The following VSTM2B variants were observed in gnomAD, a reference collection of about 807,000 sequenced individuals.
VSTM2B encodes V-set and transmembrane domain-containing protein 2B.
In VSTM2B, 24 loss-of-function variants were observed where a neutral mutation model predicts 24.0. The observed-to-expected ratio is 1.00, with a 90% confidence interval of 0.72 to 1.40. The LOEUF (loss-of-function observed/expected upper bound fraction) is 1.40, where lower values mean the gene tolerates loss of function less well. Ranked by LOEUF, VSTM2B falls within the 40% of genes most tolerant of loss-of-function variation. VSTM2B has a pLI of 0.00. For missense variants in VSTM2B, 399 were observed against 416.4 expected (o/e 0.96, Z 0.36); for synonymous variants, 226 against 194.4 (o/e 1.16, Z -1.35).
Position 29,530,283 on chromosome 19 carries a change from C to G in VSTM2B, c.762C>G (p.His254Gln), listed in dbSNP as rs1337419681. Residue 254 changes from histidine (H) to glutamine (Q), a missense_variant, in exon 4 of 5, where the codon CAC (histidine) becomes CAG (glutamine). Coordinates refer to ENST00000335523, the MANE Select transcript of VSTM2B (RefSeq NM_001146339.2). Reference sequence around the variant, plus strand: ...AGGCGGTCCTGCTGCGCCAGAGGCACGGCTCGGGTAAGGGATCGCGGAGAG... The same window carrying G: ...AGGCGGTCCTGCTGCGCCAGAGGCAGGGCTCGGGTAAGGGATCGCGGAGAG... ...SGQAVLLRQR[H>Q]GSGTGRSYTT... 1.3e-6 allele frequency: 2 copies of G among 1,499,838 alleles called. No individual in the cohort carries two copies. The highest frequency in any genetic ancestry group is 1.2e-5 in the South Asian group (1 of 80,750). The allele number at this position is 1,499,838 out of a possible 1,614,324, so 92.9% of individuals were successfully genotyped here.
At chr19:29,525,934 G>A (rs1049527640), upstream of VSTM2B, among the ~76,000 whole-genome samples, 1 of 151,202 alleles carries the variant, frequency 6.6e-6, no homozygotes, top group Non-Finnish European at 1.5e-5. Context: ...CAGCGGTGGA[G>A]GCGGCTTGGC....
At position 29,564,010 on chromosome 19, in the gene VSTM2B, G is replaced by A; in HGVS notation, c.*76G>A. On this transcript the variant is annotated 3_prime_UTR_variant, in exon 5 of 5. Coordinates refer to ENST00000335523, the MANE Select transcript of VSTM2B (RefSeq NM_001146339.2). ...GCCCTCGGTGAGGACCATGTCGCTG[G>A]ATGGACACAGAGAGACTGAGAGACG... is the stretch of plus-strand genomic sequence containing the variant. 1 of 1,131,564 alleles carries A rather than the reference G, an allele frequency of 8.8e-7. No homozygotes were observed. The highest frequency in any genetic ancestry group is 1.3e-5 in the South Asian group (1 of 75,330). The allele number at this position is 1,131,564 out of a possible 1,614,324, so 70.1% of individuals were successfully genotyped here.
chr19:29,563,387 G>T (rs188520006), intron 4 of VSTM2B, among the ~76,000 whole-genome samples: 4 of 151,968 alleles, frequency 2.6e-5, no homozygotes, highest in African/African-American at 9.7e-5. Flanking sequence ...GGGAATACAG[G>T]TGCATGCCAC....
chr19:29,529,980 G>A lies in VSTM2B; in HGVS notation c.459G>A (p.Ala153=), dbSNP rs922824686. 2.1e-5 allele frequency: 32 copies of A among 1,545,286 alleles called. No individual in the cohort carries two copies. The highest frequency in any genetic ancestry group is 2.8e-5 in the Non-Finnish European group (32 of 1,146,474). ...TGCTGCGCGTGCTCTCGCGCTTCGCGCCGCCCAACATGCAGGCCGCCGAGG... is the reference window on the plus strand; with the variant it reads ...TGCTGCGCGTGCTCTCGCGCTTCGCACCGCCCAACATGCAGGCCGCCGAGG... ...QAMLRVLSRF[A]PPNMQAAEAV... is the part of the protein sequence containing the mutation. The change falls in exon 4 of 5, where the codon GCG becomes GCA. Residue 153 remains alanine (A), a synonymous_variant. Coordinates refer to ENST00000335523, the MANE Select transcript of VSTM2B (RefSeq NM_001146339.2).
rs185075864 is a variant in VSTM2B, at chr19:29,563,950, C to T, written c.*16C>T. On this transcript the variant is annotated 3_prime_UTR_variant, in exon 5 of 5. Transcript: ENST00000335523. Reference sequence around the variant, plus strand: ...GGGACATTGACAGACAAGACCAACCCGAGCATCTCAGAGGCCGCACATGAC... The same window carrying T: ...GGGACATTGACAGACAAGACCAACCTGAGCATCTCAGAGGCCGCACATGAC... 11 of 1,551,586 alleles carry T rather than the reference C, an allele frequency of 7.1e-6. No homozygotes were observed. Among genetic ancestry groups the T allele is most frequent in the East Asian group, 4.9e-5 (2 of 40,920 alleles).
chr19:29,542,440 G>A (rs1178359176), intron 4 of VSTM2B, among the ~76,000 whole-genome samples: 1 of 151,588 alleles, frequency 6.6e-6, no homozygotes, highest in Non-Finnish European at 1.5e-5. Context: ...ATGCGTAGAT[G>A]GGTAGATGGG....
intron 4 of VSTM2B, among the ~76,000 whole-genome samples, chr19:29,544,550 A>C (rs1015453784): frequency 6.6e-6 from 1 of 150,700 alleles, no homozygotes; most frequent in African/African-American, 2.4e-5. Context: ...AAAAAAAAAA[A>C]AAAAAACTGA....
chr19:29,551,523 C>G (rs1039642231), intron 4 of VSTM2B, among the ~76,000 whole-genome samples: 1 of 152,062 alleles, frequency 6.6e-6, no homozygotes, highest in African/African-American at 2.4e-5. Context: ...TCAAATGGCT[C>G]CAGCGTGTCT....
Position 29,530,443 on chromosome 19 carries a change from C to CCT in VSTM2B, c.769+153_769+154insCT, listed in dbSNP as rs36051186. ...CTAGTTAGGTCGGGAGCGCCCCCCC[C>CCT]AGGGCCTTCTTCCCGCGGTTTCTCT... On this transcript the variant is annotated intron_variant, in intron 4 of 4. Coordinates refer to ENST00000335523, the MANE Select transcript of VSTM2B (RefSeq NM_001146339.2). Among the ~76,000 whole-genome samples, 409 of 152,094 alleles carry CCT rather than the reference C, an allele frequency of 2.7e-3. 2 individuals carry two copies. Among genetic ancestry groups the CCT allele is most frequent in the African/African-American group, 9.2e-3 (383 of 41,422 alleles).
At chr19:29,527,595 T>A (rs1969616347) in intron 2 of VSTM2B, among the ~76,000 whole-genome samples, 200 bp downstream of exon 2, 1 of 152,210 alleles carries the variant, frequency 6.6e-6, no homozygotes, top group African/African-American at 2.4e-5. Context: ...TTTGACAGCA[T>A]CGCTGTTCCC....
chr19:29,558,350 C>T (rs1424205957), intron 4 of VSTM2B, among the ~76,000 whole-genome samples: 1 of 152,104 alleles, frequency 6.6e-6, no homozygotes, highest in South Asian at 2.1e-4. Context: ...CCCAGCAATC[C>T]CATTACTGGG....
At chr19:29,532,496 T>C (rs1969782571) in intron 4 of VSTM2B, among the ~76,000 whole-genome samples, 1 of 152,162 alleles carries the variant, frequency 6.6e-6, no homozygotes, top group African/African-American at 2.4e-5. Context: ...CCCCCTCCCC[T>C]TGGGCCCCAG....
intron 4 of VSTM2B, among the ~76,000 whole-genome samples, chr19:29,534,508 A>G (rs1043707744): frequency 2.0e-5 from 3 of 152,162 alleles, no homozygotes; most frequent in African/African-American, 7.2e-5. Context: ...TGAGGACGGA[A>G]GTTTGAGACC....
chr19:29,538,573 T>C (rs1193503111), intron 4 of VSTM2B, among the ~76,000 whole-genome samples: 1 of 152,206 alleles, frequency 6.6e-6, no homozygotes, highest in African/African-American at 2.4e-5. Flanking sequence ...TATCAGGGAA[T>C]ACCTGAGTCT....
intron 4 of VSTM2B, among the ~76,000 whole-genome samples, chr19:29,552,183 C>A (rs924400765): frequency 1.3e-5 from 2 of 152,326 alleles, no homozygotes; most frequent in African/African-American, 4.8e-5. Flanking sequence ...ATGTACAGAC[C>A]CCACTTACTC....
chr19:29,530,375 C>T, intron 4 of VSTM2B, 85 bp downstream of exon 4: 1 of 1,253,974 alleles, frequency 8.0e-7, no homozygotes, highest in Non-Finnish European at 1.0e-6. Context: ...GCTCCGGACC[C>T]AGGACCCGCC....
intron 4 of VSTM2B, among the ~76,000 whole-genome samples, 153 bp downstream of exon 4, chr19:29,530,443 C>CCCT (rs36051186): frequency 2.0e-5 from 3 of 151,982 alleles, no homozygotes; most frequent in African/African-American, 7.3e-5. Context: ...GCGCCCCCCC[C>CCCT]AGGGCCTTCT....
rs1970118860 is a variant in VSTM2B, at chr19:29,545,078, G to A, written c.769+14788G>A. Among the ~76,000 whole-genome samples, 3 of 152,220 alleles carry A rather than the reference G, an allele frequency of 2.0e-5. No homozygotes were observed. In the South Asian group the frequency reaches 6.2e-4, roughly 32 times the overall value. ...CTTGCCTTGGAGCCTGTAGGACAAA[G>A]GGAGCCTCCAGACTGGGTCAGCGAG... On this transcript the variant is annotated intron_variant, in intron 4 of 4. Coordinates refer to ENST00000335523, the MANE Select transcript of VSTM2B (RefSeq NM_001146339.2).
At chr19:29,534,335 G>A (rs999612793) in intron 4 of VSTM2B, among the ~76,000 whole-genome samples, 4 of 152,218 alleles carry the variant, frequency 2.6e-5, no homozygotes, top group Admixed American at 2.0e-4. Flanking sequence ...GAAGGCAGGG[G>A]CACCCAGGTG....
Sources: allele counts gnomAD v4.1 joint callset (sites outside exome capture counted in the v4.1 genomes callset), GRCh38; gene constraint gnomAD v4.1.1; transcripts MANE v1.5; gene names NCBI Gene and HGNC (gene_info 2026-07-23, HGNC 2026-07-21).